PLXDC2: variants seen among roughly 807,000 people sequenced by gnomAD.
The protein encoded by PLXDC2 is plexin domain containing 2.
PLXDC2 carries 40 observed loss-of-function variants against 68.9 expected under a neutral mutation model. The observed-to-expected ratio is 0.58, with a 90% CI of 0.45 to 0.76. The LOEUF is 0.76. PLXDC2 is among the 30% of genes least tolerant of loss of function. PLXDC2 has a pLI of 0.00. For missense variants in PLXDC2, 644 were observed against 661.9 expected, an observed-to-expected ratio of 0.97 and a Z score of 0.30; for synonymous variants, 243 against 234.2, an observed-to-expected ratio of 1.04 and a Z score of -0.34.
chr10:20,194,715 C>T (rs1834814475), intron 9 of PLXDC2, among the ~76,000 whole-genome samples: 1 of 151,634 alleles, frequency 6.6e-6, no homozygotes, highest in Non-Finnish European at 1.5e-5. Context: ...ATACATGTGC[C>T]ATGTTGGTGT....
intron 9 of PLXDC2, among the ~76,000 whole-genome samples, chr10:20,180,641 T>C (rs1440338115): frequency 6.6e-6 from 1 of 152,092 alleles, no homozygotes. Context: ...ATTACTGAAC[T>C]CTCAAGTAGG....
At chr10:19,851,318 A>C (rs1837114005) in intron 1 of PLXDC2, among the ~76,000 whole-genome samples, 1 of 152,174 alleles carries the variant, frequency 6.6e-6, no homozygotes, top group Non-Finnish European at 1.5e-5. Flanking sequence ...TAGTTCTTAA[A>C]ATATTTAGGG....
intron 1 of PLXDC2, among the ~76,000 whole-genome samples, chr10:19,840,484 A>G (rs1003224202): frequency 1.3e-5 from 2 of 152,152 alleles, no homozygotes; most frequent in African/African-American, 2.4e-5. Flanking sequence ...TACTCTTTCA[A>G]TCTTACTGTT....
chr10:20,228,680 G>A (rs1835319157), intron 12 of PLXDC2, among the ~76,000 whole-genome samples: 1 of 151,742 alleles, frequency 6.6e-6, no homozygotes, highest in Non-Finnish European at 1.5e-5. Context: ...CAGGAAGGAA[G>A]GAAGGAAGGG....
At chr10:20,082,076 A>ACAAAAAG (rs1836576896) in intron 4 of PLXDC2, among the ~76,000 whole-genome samples, 3 of 149,730 alleles carry the variant, frequency 2.0e-5, no homozygotes, top group African/African-American at 2.4e-5. Flanking sequence ...AAAAAAAAAA[A>ACAAAAAG]CAGGAGAAGT....
At chr10:20,065,384 A>G (rs1232450797) in intron 3 of PLXDC2, among the ~76,000 whole-genome samples, 1 of 152,114 alleles carries the variant, frequency 6.6e-6, no homozygotes, top group South Asian at 2.1e-4. Flanking sequence ...ATGGAATTCT[A>G]GATTGAATGA....
chr10:20,157,768 T>C (rs1834236212), intron 6 of PLXDC2, among the ~76,000 whole-genome samples: 1 of 152,238 alleles, frequency 6.6e-6, no homozygotes, highest in South Asian at 2.1e-4. Context: ...ATATCTGTTA[T>C]AGAAAAATGT....
At chr10:20,046,061 A>G (rs1024506740) in intron 2 of PLXDC2, among the ~76,000 whole-genome samples, 7 of 152,166 alleles carry the variant, frequency 4.6e-5, no homozygotes, top group Non-Finnish European at 8.8e-5. Flanking sequence ...AGGAAAAAAT[A>G]TATTGTGTCC....
intron 4 of PLXDC2, among the ~76,000 whole-genome samples, chr10:20,123,064 A>C (rs950537290): frequency 2.0e-5 from 3 of 152,152 alleles, no homozygotes; most frequent in Non-Finnish European, 4.4e-5. Flanking sequence ...CCTTTTTAAG[A>C]GTAAATTGCT....
At chr10:20,097,434 C>T (rs550489488) in intron 4 of PLXDC2, among the ~76,000 whole-genome samples, 30 of 152,176 alleles carry the variant, frequency 2.0e-4, no homozygotes, top group Admixed American at 6.5e-4. Context: ...GTTAGAGATA[C>T]TATTACTATT....
At chr10:20,134,991 T>A (rs1304963541) in intron 4 of PLXDC2, among the ~76,000 whole-genome samples, 1 of 152,304 alleles carries the variant, frequency 6.6e-6, no homozygotes, top group Admixed American at 6.5e-5. Flanking sequence ...ATGTGGGTAA[T>A]GTGAAATTTT....
chr10:19,893,336 A>G (rs984737387), intron 1 of PLXDC2, among the ~76,000 whole-genome samples: 12 of 152,216 alleles, frequency 7.9e-5, no homozygotes, highest in African/African-American at 2.9e-4. Flanking sequence ...TATTTGGAAG[A>G]AAAAAGCACC....
chr10:20,025,753 T>C (rs1007925985), intron 2 of PLXDC2, among the ~76,000 whole-genome samples: 1 of 152,182 alleles, frequency 6.6e-6, no homozygotes, highest in African/African-American at 2.4e-5. Context: ...GTTTTTTACT[T>C]ATTCAACAGT....
chr10:20,250,540 C>T (rs142337791), intron 13 of PLXDC2, among the ~76,000 whole-genome samples: 6 of 152,234 alleles, frequency 3.9e-5, no homozygotes, highest in Non-Finnish European at 5.9e-5. Context: ...GGCTGAAGCA[C>T]GGGCCTTAAG....
rs368106244 is a variant in PLXDC2 at position 20,177,069 on chromosome 10, G to A, written c.954G>A (p.Ser318=). ...ELQMSKITNI[S]AVEMTPLPTC... ...AAATGTCAAAAATTACCAACATTTC[G>A]GCTGTGGAGATGACCCCATTACCCA... The change falls in exon 8 of 14, where the codon TCG becomes TCA. Residue 318 remains serine (S), a synonymous_variant. Coordinates refer to ENST00000377252, the MANE Select transcript of PLXDC2 (RefSeq NM_032812.9). 187 of 1,610,362 alleles carry A rather than the reference G, an allele frequency of 1.2e-4. No homozygotes were observed. Among genetic ancestry groups the A allele is most frequent in the African/African-American group, 1.9e-4 (14 of 74,554 alleles).
intron 1 of PLXDC2, among the ~76,000 whole-genome samples, chr10:19,966,622 C>T (rs561598994): frequency 1.2e-4 from 18 of 152,114 alleles, no homozygotes; most frequent in South Asian, 4.2e-4. Flanking sequence ...GAATTTAACA[C>T]ACAGTTTTGC....
At chr10:19,946,673 A>G (rs1467233904) in intron 1 of PLXDC2, among the ~76,000 whole-genome samples, 1 of 151,942 alleles carries the variant, frequency 6.6e-6, no homozygotes, top group Non-Finnish European at 1.5e-5. Flanking sequence ...GGGATGATTC[A>G]AACACATTGC....
chr10:20,132,383 G>A (rs1395039745), intron 4 of PLXDC2, among the ~76,000 whole-genome samples: 4 of 152,140 alleles, frequency 2.6e-5, no homozygotes, highest in Non-Finnish European at 5.9e-5. Context: ...TCTTGTTCGT[G>A]TCTTCTGTAT....
chr10:19,974,730 A>G (rs925966249), intron 1 of PLXDC2, among the ~76,000 whole-genome samples: 1 of 152,192 alleles, frequency 6.6e-6, no homozygotes, highest in Non-Finnish European at 1.5e-5. Flanking sequence ...GCTTACCACT[A>G]TACCCATGGA....
Sources: allele counts gnomAD v4.1 joint callset (sites outside exome capture counted in the v4.1 genomes callset), GRCh38; gene constraint gnomAD v4.1.1; transcripts MANE v1.5; gene names NCBI Gene and HGNC (gene_info 2026-07-23, HGNC 2026-07-21).